PRL: variants seen among roughly 807,000 people sequenced by gnomAD.
PRL encodes decidual prolactin.
In PRL, 24 loss-of-function variants were observed where a neutral mutation model predicts 21.3. That is an observed-to-expected ratio of 1.13 (90% CI 0.82 to 1.59). PRL has a LOEUF of 1.59. PRL is among the 40% of genes most tolerant of loss of function. The probability of loss-of-function intolerance (pLI) is 0.00; values close to 1 mark genes in which losing one functional copy is unlikely to be tolerated. For synonymous variants in PRL, 118 were observed against 115.7 expected (o/e 1.02, Z -0.13); for missense variants, 243 against 286.9 (o/e 0.85, Z 1.10).
rs1216763545 is a variant in PRL at position 22,292,549 on chromosome 6, G to A, written c.301C>T (p.Gln101Ter). The A allele has an allele frequency of 2.5e-6, 4 of 1,613,832 alleles. No homozygotes were observed. In the African/African-American group the frequency reaches 5.3e-5, roughly 22 times the overall value. The change falls in exon 3 of 5, where the codon CAA (glutamine) becomes TAA (stop). Residue 101 changes from glutamine (Q) to a stop codon, truncating the protein, a stop_gained. Transcript: ENST00000306482. LOFTEE classifies it high-confidence loss of function. ...LATPEDKEQA[Q>*]QMNQKDFLSL... ...GATGAAGGACTCACATTCATCTGTT[G>A]GGCTTGCTCCTTGTCTTCGGGGGTG...
chr6:22,289,506 G>C (rs534696695), intron 4 of PRL, among the ~76,000 whole-genome samples: 1 of 152,214 alleles, frequency 6.6e-6, no homozygotes, highest in South Asian at 2.1e-4. Context: ...CATGAGTTTT[G>C]ACTTTGGAGT....
intron 1 of PRL, among the ~76,000 whole-genome samples, chr6:22,296,546 CT>C (rs1277755219): frequency 6.6e-6 from 1 of 152,206 alleles, no homozygotes; most frequent in African/African-American, 2.4e-5. Context: ...CCCACAGACT[CT>C]TTGAGTCTTA....
chr6:22,296,259 C>A (rs73389181), intron 1 of PRL, among the ~76,000 whole-genome samples: 2,626 of 152,266 alleles, frequency 0.017, 67 homozygotes, highest in African/African-American at 0.059. Context: ...ATTAGAAACA[C>A]ATTTTATGGT....
rs916049913 is a variant in PRL, at chr6:22,288,907, CGCGTGTGTGTGCGT to C, written c.492+1253_492+1266del. 5.4e-5 allele frequency among the ~76,000 whole-genome samples: 8 copies of C among 148,246 alleles called. No homozygotes were observed. Among genetic ancestry groups the C allele is most frequent in the Non-Finnish European group, 7.4e-5 (5 of 67,562 alleles). On this transcript the variant is annotated intron_variant, in intron 4 of 4. Coordinates refer to ENST00000306482, the MANE Select transcript of PRL (RefSeq NM_000948.6). This position sits in a 1 kb window ranked among gnomAD's most constrained non-coding sequence, Gnocchi z 4.5. ...GCGCGTGTGTGTGCGTGTGTGCGCG[CGCGTGTGTGTGCGT>C]GCGCGTGTGTGTGCATGTGTGTGTG...
rs1172249028 is a variant in PRL at position 22,290,171 on chromosome 6, C to T, written c.492+3G>A. 1 of 1,563,876 alleles carries T rather than the reference C, an allele frequency of 6.4e-7. No homozygotes were observed. Among genetic ancestry groups the T allele is most frequent in the East Asian group, 2.3e-5 (1 of 44,098 alleles). On this transcript the variant is annotated splice_donor_region_variant and intron_variant, in intron 4 of 4. Coordinates refer to ENST00000306482, the MANE Select transcript of PRL (RefSeq NM_000948.6). ...AACAAAGAAGCACCAGGAGGCTGCT[C>T]ACCTGGCTGACTATCAGCTCCATGC...
chr6:22,296,027 A>G lies in PRL; in HGVS notation c.28+928T>C, dbSNP rs117454404. ...ATGATTCTTCCAAAAAGTTTATTTT[A>G]TGCATACTATAATCATATGACGAAA... On this transcript the variant is annotated intron_variant, in intron 1 of 4. Coordinates refer to ENST00000306482, the MANE Select transcript of PRL (RefSeq NM_000948.6). 3.7e-3 allele frequency among the ~76,000 whole-genome samples: 558 copies of G among 152,360 alleles called. 2 individuals are homozygous for G. Among genetic ancestry groups the G allele is most frequent in the East Asian group, 0.02 (105 of 5,186 alleles).
upstream of PRL, chr6:22,297,051 C>A: frequency 6.5e-7 from 1 of 1,535,468 alleles, no homozygotes; most frequent in South Asian, 1.1e-5. Flanking sequence ...TTCTCTTTCC[C>A]AGATATTGGC....
chr6:22,292,119 T>A (rs949957478), intron 3 of PRL, among the ~76,000 whole-genome samples: 3 of 152,130 alleles, frequency 2.0e-5, no homozygotes, highest in African/African-American at 7.2e-5. Flanking sequence ...GCTCCAATAG[T>A]GCAGGGGTCA....
At chr6:22,299,877 G>A (rs528005070), upstream of PRL, among the ~76,000 whole-genome samples, 7 of 152,032 alleles carry the variant, frequency 4.6e-5, no homozygotes, top group African/African-American at 1.7e-4. Flanking sequence ...AACCTAGGAG[G>A]TGTCTACTGC....
At chr6:22,296,267 G>A (rs1761170689) in intron 1 of PRL, among the ~76,000 whole-genome samples, 1 of 152,130 alleles carries the variant, frequency 6.6e-6, no homozygotes, top group Non-Finnish European at 1.5e-5. Flanking sequence ...CACATTTTAT[G>A]GTTGTTACTA....
intron 4 of PRL, among the ~76,000 whole-genome samples, chr6:22,287,990 C>A (rs1760959365): frequency 2.0e-5 from 3 of 152,112 alleles, no homozygotes; most frequent in Admixed American, 2.0e-4. Context: ...CTTTATTCTT[C>A]CTGACATCAT....
Position 22,290,309 on chromosome 6 carries a change from C to T in PRL, c.357G>A (p.Trp119Ter), listed in dbSNP as rs1379958876. The change falls in exon 4 of 5, where the codon TGG becomes TGA. Residue 119 changes from tryptophan (W) to a stop codon, truncating the protein, a stop_gained. Coordinates refer to ENST00000306482, the MANE Select transcript of PRL (RefSeq NM_000948.6). LOFTEE classifies it high-confidence loss of function. Reference protein sequence around the residue: ...LSLIVSILRSWNEPLYHLVTE... With the variant: ...LSLIVSILRS Reference sequence around the variant, plus strand: ...TGACCAGATGATACAGAGGCTCATTCCAGGATCGCAATATGCTGACTATCA... The same window carrying T: ...TGACCAGATGATACAGAGGCTCATTTCAGGATCGCAATATGCTGACTATCA... 1 of 1,608,566 alleles carries T rather than the reference C, an allele frequency of 6.2e-7. No homozygotes were observed. The highest frequency in any genetic ancestry group is 8.5e-7 in the Non-Finnish European group (1 of 1,176,178).
chr6:22,287,601 C>A lies in PRL; in HGVS notation c.493-8G>T, dbSNP rs1338803780. 1.0e-5 allele frequency: 16 copies of A among 1,571,902 alleles called. No homozygotes were observed. The Admixed American group carries it at 1.1e-4, about 11-fold the overall frequency. ...TTTGGTTTCAGGATGAACCTAATCA[C>A]ACAAAAAAAGAGTGACTTATTCTTC... is the stretch of plus-strand genomic sequence containing the variant. On this transcript the variant is annotated splice_region_variant and splice_polypyrimidine_tract_variant and intron_variant, in intron 4 of 4. Coordinates refer to ENST00000306482, the MANE Select transcript of PRL (RefSeq NM_000948.6).
chr6:22,287,287 T>C lies in PRL; in HGVS notation c.*115A>G, dbSNP rs1760939531. ...CTCTAAGGAGTCAGTTTTTATTTTTTAAGAGGAGACCTGTTACACCCAAGC... is the reference window on the plus strand; with the variant it reads ...CTCTAAGGAGTCAGTTTTTATTTTTCAAGAGGAGACCTGTTACACCCAAGC... On this transcript the variant is annotated 3_prime_UTR_variant, in exon 5 of 5. Transcript: ENST00000306482. The C allele has an allele frequency of 1.5e-5, 16 of 1,088,922 alleles. 1 individual carries two copies. Among genetic ancestry groups the C allele is most frequent in the Non-Finnish European group, 1.9e-5 (15 of 797,124 alleles). The allele number at this position is 1,088,922 out of a possible 1,614,324, so 67.5% of individuals were successfully genotyped here.
chr6:22,290,816 A>G (rs150008411), intron 3 of PRL: 1 of 152,472 alleles, frequency 6.6e-6, no homozygotes, highest in Non-Finnish European at 1.5e-5. Context: ...GTTCATACTA[A>G]TGAATCAAAT....
chr6:22,302,523 GTTTAT>G (rs1251074779), intron 1 of PRL, among the ~76,000 whole-genome samples: 1 of 152,034 alleles, frequency 6.6e-6, no homozygotes, highest in Non-Finnish European at 1.5e-5. Context: ...CCATAGATAG[GTTTAT>G]GCCTGACAGT....
intron 4 of PRL, among the ~76,000 whole-genome samples, chr6:22,289,522 GA>G (rs1761003148): frequency 1.3e-5 from 2 of 152,098 alleles, no homozygotes; most frequent in Non-Finnish European, 2.9e-5. Context: ...GGAGTCCCAA[GA>G]AAAAACAAAA....
intron 2 of PRL, among the ~76,000 whole-genome samples, chr6:22,292,871 T>C (rs1761084696): frequency 6.6e-6 from 1 of 152,224 alleles, no homozygotes; most frequent in South Asian, 2.1e-4. Flanking sequence ...TCAATGTTTT[T>C]CCTTCTTTGC....
rs1042133858 is a variant in PRL, at chr6:22,287,276, T to C, written c.*126A>G. 4 of 964,554 alleles carry C rather than the reference T, an allele frequency of 4.1e-6. No homozygotes were observed. The African/African-American group carries it at 6.6e-5, about 16-fold the overall frequency. 59.7% of individuals were successfully genotyped at this position (964,554 alleles called of 1,614,324 possible). A position where few individuals can be genotyped will look rare whatever the true frequency, so the allele number is the denominator to read the frequency against. On this transcript the variant is annotated 3_prime_UTR_variant, in exon 5 of 5. Coordinates refer to ENST00000306482, the MANE Select transcript of PRL (RefSeq NM_000948.6). ...GATTTTGATGTCTCTAAGGAGTCAG[T>C]TTTTATTTTTTAAGAGGAGACCTGT... is the stretch of plus-strand genomic sequence containing the variant.
Sources: gnomAD v4.1 joint callset for allele counts (sites outside exome capture counted in the v4.1 genomes callset) on GRCh38, gnomAD v4.1.1 for gene constraint, Gnocchi (gnomAD v3.1) non-coding constraint, MANE v1.5 for transcripts, NCBI Gene and HGNC (gene_info 2026-07-23, HGNC 2026-07-21) for gene names.